NMT2: variants seen among roughly 807,000 people sequenced by gnomAD.
NMT2 encodes N-myristoyltransferase 2.
NMT2 carries 35 observed loss-of-function variants against 65.4 expected under a neutral mutation model. That is an observed-to-expected ratio of 0.54 (90% CI 0.41 to 0.71). The LOEUF (loss-of-function observed/expected upper bound fraction) is 0.71, where lower values mean the gene tolerates loss of function less well. Ranked by LOEUF, NMT2 falls within the 30% of genes least tolerant of loss-of-function variation. The probability of loss-of-function intolerance (pLI) is 0.00; values close to 1 mark genes in which losing one functional copy is unlikely to be tolerated. For missense variants in NMT2, 489 were observed against 611.3 expected, an observed-to-expected ratio of 0.80 and a Z score of 2.11; for synonymous variants, 226 against 231.8, an observed-to-expected ratio of 0.98 and a Z score of 0.23.
intron 9 of NMT2, among the ~76,000 whole-genome samples, chr10:15,118,717 C>T (rs1048027870): frequency 4.6e-5 from 7 of 152,144 alleles, no homozygotes; most frequent in African/African-American, 7.2e-5. Context: ...CTGTTCCATA[C>T]TCATCAGGTG....
intron 1 of NMT2, among the ~76,000 whole-genome samples, chr10:15,167,734 G>A (rs373749218): frequency 6.6e-6 from 1 of 152,220 alleles, no homozygotes; most frequent in East Asian, 1.9e-4. Context: ...GGGTTCGGGG[G>A]CAAAGGGAAA....
chr10:15,113,463 CAAAAA>C (rs1169255963), intron 9 of NMT2, among the ~76,000 whole-genome samples: 279 of 36,986 alleles, frequency 7.5e-3, no homozygotes, highest in African/African-American at 0.024. Flanking sequence ...GGATGAGACT[CAAAAA>C]AAAAAAAAAA....
In NMT2 at chr10:15,119,391, G is replaced by A. The variant is rs1845849616; in HGVS notation, c.1122C>T (p.Ala374=). Residue 374 remains alanine (A), a synonymous_variant, in exon 9 of 12, where the codon GCC becomes GCT. Transcript: ENST00000378165. ...TGTGCTCCCGGGGGAGGAACCAGTG[G>A]GCTACTTCCTCTTCATCCATCACTG... ...LAPVMDEEEV[A]HWFLPREHII... The A allele has an allele frequency of 6.2e-7, 1 of 1,614,112 alleles. No homozygotes were observed. The highest frequency in any genetic ancestry group is 8.5e-7 in the Non-Finnish European group (1 of 1,180,008).
In NMT2 at chr10:15,159,422, AT is replaced by A. The variant is rs533609003; in HGVS notation, c.110+9080del. On this transcript the variant is annotated intron_variant, in intron 1 of 11. Transcript: ENST00000378165. ...TATTTATTTATTTATTTATTTATTT[AT>A]TTATTGAGACAGAGTCTCACTGTCG... 7.1e-3 allele frequency among the ~76,000 whole-genome samples: 1,078 copies of A among 151,804 alleles called. 16 individuals are homozygous for A. Among genetic ancestry groups the A allele is most frequent in the African/African-American group, 0.025 (1,032 of 41,262 alleles).
intron 1 of NMT2, among the ~76,000 whole-genome samples, chr10:15,143,626 G>A (rs1445537540): frequency 6.6e-6 from 1 of 152,238 alleles, no homozygotes; most frequent in Non-Finnish European, 1.5e-5. Flanking sequence ...GGGGTCCAAG[G>A]CGGGAAGATC....
chr10:15,109,275 ATC>A, intron 11 of NMT2, 60 bp from the exon 12 acceptor site: 1 of 1,579,100 alleles, frequency 6.3e-7, no homozygotes, highest in Non-Finnish European at 8.6e-7. Flanking sequence ...AGTACAATAG[ATC>A]TGTCTTTCTA....
At chr10:15,165,228 G>A (rs1258354215) in intron 1 of NMT2, among the ~76,000 whole-genome samples, 1 of 151,252 alleles carries the variant, frequency 6.6e-6, no homozygotes, top group Non-Finnish European at 1.5e-5. Flanking sequence ...TAGCAGAACA[G>A]AAATCTTCAG....
chr10:15,151,692 G>T (rs571660224), intron 1 of NMT2, among the ~76,000 whole-genome samples: 56 of 152,314 alleles, frequency 3.7e-4, no homozygotes, highest in African/African-American at 1.3e-3. Flanking sequence ...GAGGGAGCTG[G>T]TGGCTCAGAA....
chr10:15,130,703 CAAAAAAAAAAAAAA>C (rs974360507), intron 6 of NMT2, among the ~76,000 whole-genome samples: 1 of 28,634 alleles, frequency 3.5e-5, no homozygotes, highest in Admixed American at 4.3e-4. Context: ...GGCCCTGTCT[CAAAAAAAAAAAAAA>C]AAAAAAAAAA....
At chr10:15,155,123 A>G (rs754643717) in intron 1 of NMT2, 64 of 1,489,324 alleles carry the variant, frequency 4.3e-5, no homozygotes, top group Non-Finnish European at 4.3e-5. Context: ...TATGGCATGT[A>G]AAGTCACCAC....
intron 8 of NMT2, among the ~76,000 whole-genome samples, chr10:15,124,658 TTAAA>T (rs1846024080): frequency 6.6e-6 from 1 of 152,182 alleles, no homozygotes; most frequent in African/African-American, 2.4e-5. Flanking sequence ...AAAAATGTTC[TTAAA>T]TAACTTGACT....
intron 8 of NMT2, among the ~76,000 whole-genome samples, chr10:15,120,892 G>A (rs1013129440): frequency 2.6e-5 from 4 of 152,178 alleles, no homozygotes; most frequent in African/African-American, 9.7e-5. Context: ...TCTGGGTAAA[G>A]GTGATCAGGG....
chr10:15,142,733 T>A (rs764410763), intron 1 of NMT2, among the ~76,000 whole-genome samples: 2 of 152,188 alleles, frequency 1.3e-5, no homozygotes, highest in Non-Finnish European at 2.9e-5. Context: ...ATCAATAGAA[T>A]CAAATTTGTG....
At chr10:15,165,117 C>A (rs1431791227) in intron 1 of NMT2, among the ~76,000 whole-genome samples, 2 of 150,398 alleles carry the variant, frequency 1.3e-5, no homozygotes, top group Non-Finnish European at 1.5e-5. Flanking sequence ...GCGCCAAGAT[C>A]GTACTATTGC....
chr10:15,133,195 A>G (rs1213994221), intron 4 of NMT2, 50 bp downstream of exon 4: 3 of 1,600,344 alleles, frequency 1.9e-6, no homozygotes, highest in Admixed American at 1.7e-5. Flanking sequence ...TCAACTTAGA[A>G]GCAATGTGTG....
chr10:15,113,486 A>AAAAAAAAAAAAAAAAAG (rs1564558939), intron 9 of NMT2, among the ~76,000 whole-genome samples: 2 of 148,824 alleles, frequency 1.3e-5, no homozygotes, highest in African/African-American at 5.0e-5. Context: ...AAAAAAAAAA[A>AAAAAAAAAAAAAAAAAG]AAAGAAAGAA....
rs1307046196 is a variant in NMT2, at chr10:15,119,530, C to A, written c.1000-17G>T. On this transcript the variant is annotated splice_polypyrimidine_tract_variant and intron_variant, in intron 8 of 11. Coordinates refer to ENST00000378165, the MANE Select transcript of NMT2 (RefSeq NM_004808.3). ...CTTTGTAACCTTGTTGGAGGGGAAA[C>A]AAAACAAATCCAGAAGTTCAGGTAG... The A allele has an allele frequency of 6.2e-7, 1 of 1,609,634 alleles. No individual in the cohort carries two copies. Among genetic ancestry groups the A allele is most frequent in the East Asian group, 2.2e-5 (1 of 44,844 alleles).
At position 15,112,836 on chromosome 10, in the gene NMT2, AG is replaced by A; in HGVS notation, c.1297del (p.Leu433CysfsTer5). 2 of 1,614,060 alleles carry A rather than the reference AG, an allele frequency of 1.2e-6. No individual in the cohort carries two copies. Among genetic ancestry groups the A allele is most frequent in the Non-Finnish European group, 1.7e-6 (2 of 1,179,990 alleles). On this transcript the variant is annotated frameshift_variant, in exon 10 of 12. Transcript: ENST00000378165. LOFTEE classifies it high-confidence loss of function. ...SFYNIHTETP[L>X]LDLMSDALIL... Reference sequence around the variant, plus strand: ...GAGCGCGTCGCTCATGAGGTCCAGCAGGGGCGTCTCTGTGTGGATGTTGTAG... The same window carrying A: ...GAGCGCGTCGCTCATGAGGTCCAGCAGGGCGTCTCTGTGTGGATGTTGTAG...
chr10:15,123,547 A>G (rs998984919), intron 8 of NMT2, among the ~76,000 whole-genome samples: 3 of 151,772 alleles, frequency 2.0e-5, no homozygotes, highest in African/African-American at 7.2e-5. Context: ...AAAAAAAAAA[A>G]AAAAAAAAGA....
Sources: allele counts gnomAD v4.1 joint callset (sites outside exome capture counted in the v4.1 genomes callset), GRCh38; gene constraint gnomAD v4.1.1; transcripts MANE v1.5; gene names NCBI Gene and HGNC (gene_info 2026-07-23, HGNC 2026-07-21).